The following SNX13 variants were observed in gnomAD, a reference collection of about 807,000 sequenced individuals.
SNX13 encodes the protein sorting nexin-13.
SNX13 carries 45 observed loss-of-function variants against 133.6 expected under a neutral mutation model. That is an observed-to-expected ratio of 0.34 (90% CI 0.27 to 0.43). The LOEUF is 0.43. Among genes scored for constraint, SNX13 ranks in the 20% least tolerant of loss-of-function variants. SNX13 has a pLI of 1.00. For missense variants in SNX13, 1,032 were observed against 1,145.1 expected (o/e 0.90, Z 1.43); for synonymous variants, 414 against 373.9 (o/e 1.11, Z -1.24).
chr7:17,917,592 G>A (rs1799700696), intron 1 of SNX13, among the ~76,000 whole-genome samples: 1 of 151,818 alleles, frequency 6.6e-6, no homozygotes, highest in Non-Finnish European at 1.5e-5. Flanking sequence ...GCTAATCAAG[G>A]AAGTGAACGA....
chr7:17,855,261 A>G (rs917298296), intron 9 of SNX13, among the ~76,000 whole-genome samples: 1 of 152,224 alleles, frequency 6.6e-6, no homozygotes, highest in East Asian at 1.9e-4. Flanking sequence ...CTGTCTCCAT[A>G]ACACAGAAGT....
intron 5 of SNX13, chr7:17,889,405 G>A (rs946412527): frequency 2.0e-5 from 3 of 152,074 alleles, no homozygotes; most frequent in African/African-American, 7.2e-5. Context: ...ATAATCAATG[G>A]AGATAGAGGA....
At chr7:17,826,206 A>G (rs1049246684) in intron 16 of SNX13, 115 bp from the exon 17 acceptor site, 22 of 583,024 alleles carry the variant, frequency 3.8e-5, no homozygotes, top group Admixed American at 6.4e-5. Context: ...TGTAAACTAT[A>G]TATTATTTGT....
chr7:17,803,704 G>C, intron 20 of SNX13, 124 bp from the exon 21 acceptor site: 2 of 825,888 alleles, frequency 2.4e-6, no homozygotes, highest in Non-Finnish European at 3.6e-6. Flanking sequence ...TCTATATTAT[G>C]TCGTTACATT....
chr7:17,867,198 G>T (rs1378666392), intron 9 of SNX13, among the ~76,000 whole-genome samples: 1 of 152,098 alleles, frequency 6.6e-6, no homozygotes, highest in South Asian at 2.1e-4. Context: ...CAGAGGAAAA[G>T]AAGAATCAAG....
intron 9 of SNX13, among the ~76,000 whole-genome samples, chr7:17,864,936 G>A (rs1793200183): frequency 6.6e-6 from 1 of 151,996 alleles, no homozygotes; most frequent in Admixed American, 6.5e-5. Context: ...GAGGGAGCGG[G>A]ATCATTCATA....
Position 17,875,462 on chromosome 7 carries a change from GTTAAA to G in SNX13, c.664+13_664+17del. 4 of 1,598,700 alleles carry G rather than the reference GTTAAA, an allele frequency of 2.5e-6. No individual in the cohort carries two copies. Among genetic ancestry groups the G allele is most frequent in the Non-Finnish European group, 8.5e-7 (1 of 1,174,304 alleles). ...CTAGCCAGCTACTATTGTCAAAAAA[GTTAAA>G]TTAAAAGAAAACCTTCTTCATCTTT... On this transcript the variant is annotated intron_variant, in intron 7 of 25. Transcript: ENST00000428135.
chr7:17,917,063 C>T (rs1242935886), intron 1 of SNX13, among the ~76,000 whole-genome samples: 2 of 152,064 alleles, frequency 1.3e-5, no homozygotes, highest in African/African-American at 4.8e-5. Context: ...AAACAAAAAC[C>T]ATATATGATC....
Position 17,796,684 on chromosome 7 carries a change from A to G in SNX13, c.2626+143T>C, listed in dbSNP as rs1784087682. On this transcript the variant is annotated intron_variant, in intron 25 of 25. Transcript: ENST00000428135. ...AGGACTGATTAAGAACATATGAGAA[A>G]TGCCTAGTACAGTGCCTGATATGTA... The G allele has an allele frequency of 8.0e-6, 5 of 626,740 alleles. No individual in the cohort carries two copies. The East Asian group carries it at 1.4e-4, about 17-fold the overall frequency. The allele number at this position is 626,740 out of a possible 1,614,324, so 38.8% of individuals were successfully genotyped here. A position where few individuals can be genotyped will look rare whatever the true frequency, so the allele number is the denominator to read the frequency against.
At chr7:17,830,694 C>T (rs1788391927) in intron 15 of SNX13, 1 of 980,136 alleles carries the variant, frequency 1.0e-6, no homozygotes, top group African/African-American at 1.8e-5. Context: ...TAATGTCAAA[C>T]AACAATCTTT....
intron 9 of SNX13, among the ~76,000 whole-genome samples, chr7:17,854,455 A>T (rs774917654): frequency 8.5e-5 from 13 of 152,234 alleles, no homozygotes; most frequent in Non-Finnish European, 1.6e-4. Flanking sequence ...ACTATGACAC[A>T]TCACACTGTG....
intron 1 of SNX13, among the ~76,000 whole-genome samples, chr7:17,901,311 T>G (rs1160794685): frequency 6.6e-6 from 1 of 152,162 alleles, no homozygotes; most frequent in African/African-American, 2.4e-5. Context: ...AAGTGCTCTC[T>G]TCGTCGCCCC....
chr7:17,888,847 C>T, intron 5 of SNX13: 3 of 402,338 alleles, frequency 7.5e-6, no homozygotes, highest in Non-Finnish European at 1.0e-5. Flanking sequence ...ATGAGAAAAA[C>T]CAAGGTTCAG....
At position 17,940,383 on chromosome 7, in the gene SNX13, A is replaced by T; in HGVS notation, c.-88T>A. ...AGCGAAAACTGCTCGGGCCGCCGCC[A>T]ACGGCGGCAACTGCTCCTTCAGTCT... On this transcript the variant is annotated 5_prime_UTR_variant, in exon 1 of 26. The change creates a premature stop within an existing upstream ORF in the 5' untranslated region. Transcript: ENST00000428135. The T allele has an allele frequency of 7.0e-7, 1 of 1,427,124 alleles. No homozygotes were observed. Among genetic ancestry groups the T allele is most frequent in the East Asian group, 2.5e-5 (1 of 40,334 alleles). 88.4% of individuals were successfully genotyped at this position (1,427,124 alleles called of 1,614,324 possible).
At position 17,880,489 on chromosome 7, in the gene SNX13, C is replaced by T. The variant is rs1344494320; in HGVS notation, c.441-4699G>A. 4 of 152,172 alleles carry T rather than the reference C, an allele frequency of 2.6e-5. No individual in the cohort carries two copies. The East Asian group carries it at 7.7e-4, about 29-fold the overall frequency. 9.4% of individuals were successfully genotyped at this position (152,172 alleles called of 1,614,324 possible). On this transcript the variant is annotated intron_variant, in intron 5 of 25. Coordinates refer to ENST00000428135, the MANE Select transcript of SNX13 (RefSeq NM_015132.5). Reference sequence around the variant, plus strand: ...TATTTCAACGTGTTTGATTATCTGTCTCCTCTAAATCACCAATATTCAGGT... The same window carrying T: ...TATTTCAACGTGTTTGATTATCTGTTTCCTCTAAATCACCAATATTCAGGT...
chr7:17,817,820 A>G (rs1786826359), intron 18 of SNX13, among the ~76,000 whole-genome samples: 1 of 152,182 alleles, frequency 6.6e-6, no homozygotes, highest in South Asian at 2.1e-4. Flanking sequence ...ACCTATCCAC[A>G]TTAAACTACT....
chr7:17,835,905 T>C (rs548054143), intron 13 of SNX13, among the ~76,000 whole-genome samples: 3 of 152,012 alleles, frequency 2.0e-5, no homozygotes, highest in Middle Eastern at 3.4e-3. Context: ...CGGGGGGTAG[T>C]AGAGTTGCCC....
intron 1 of SNX13, among the ~76,000 whole-genome samples, chr7:17,902,195 G>A (rs1031023962): frequency 6.8e-6 from 1 of 147,460 alleles, no homozygotes; most frequent in Admixed American, 6.8e-5. Context: ...TTTCTGCAAT[G>A]TGCCAGGTGA....
chr7:17,891,126 T>C (rs962640670), intron 4 of SNX13, among the ~76,000 whole-genome samples: 24 of 152,052 alleles, frequency 1.6e-4, no homozygotes, highest in Middle Eastern at 3.4e-3. Flanking sequence ...TGAAAAATAT[T>C]TCAGGGGGCA....
Sources: allele counts gnomAD v4.1 joint callset (sites outside exome capture counted in the v4.1 genomes callset), GRCh38; gene constraint gnomAD v4.1.1; transcripts MANE v1.5; gene names NCBI Gene and HGNC (gene_info 2026-07-23, HGNC 2026-07-21).